The following WEE2 variants were observed in gnomAD, a reference collection of about 807,000 sequenced individuals.
WEE2 encodes the protein WEE2 oocyte meiosis inhibiting kinase.
WEE2 carries 50 observed loss-of-function variants against 60.1 expected under a neutral mutation model. That is an observed-to-expected ratio of 0.83 (90% confidence interval 0.66 to 1.05). The LOEUF (loss-of-function observed/expected upper bound fraction) is 1.05, where lower values mean the gene tolerates loss of function less well. WEE2 is among the 50% of genes least tolerant of loss of function. The probability of loss-of-function intolerance (pLI) is 0.00; values close to 1 mark genes in which losing one functional copy is unlikely to be tolerated. For synonymous variants in WEE2, 240 were observed against 241.0 expected (o/e 1.00, Z 0.04); for missense variants, 631 against 684.3 (o/e 0.92, Z 0.87).
rs184466972 is a variant in WEE2 at position 141,730,485 on chromosome 7, G to C, written c.*165G>C. 3 of 613,678 alleles carry C rather than the reference G, an allele frequency of 4.9e-6. No individual in the cohort carries two copies. The South Asian group carries it at 6.8e-5, about 14-fold the overall frequency. The allele number at this position is 613,678 out of a possible 1,614,324, so 38.0% of individuals were successfully genotyped here. A position where few individuals can be genotyped will look rare whatever the true frequency, so the allele number is the denominator to read the frequency against. ...GAAAATGTGCCTGGATTTCCACAGC[G>C]CTTCCCAGGTTATATGATGCTGTTC... On this transcript the variant is annotated 3_prime_UTR_variant, in exon 12 of 12. Coordinates refer to ENST00000397541, the MANE Select transcript of WEE2 (RefSeq NM_001105558.1).
chr7:141,712,079 T>G lies in WEE2; in HGVS notation c.343-2130T>G, dbSNP rs117982997. On this transcript the variant is annotated intron_variant, in intron 1 of 11. Coordinates refer to ENST00000397541, the MANE Select transcript of WEE2 (RefSeq NM_001105558.1). Reference sequence around the variant, plus strand: ...ATATTTCAACATGATATCCAAATGATACCAGGATTCAAGCATCAGGGGACT... The same window carrying G: ...ATATTTCAACATGATATCCAAATGAGACCAGGATTCAAGCATCAGGGGACT... 1.1e-4 allele frequency among the ~76,000 whole-genome samples: 17 copies of G among 152,076 alleles called. No individual in the cohort carries two copies. The East Asian group carries it at 2.3e-3, about 21-fold the overall frequency.
Position 141,720,978 on chromosome 7 carries a change from C to T in WEE2, c.802C>T (p.His268Tyr). ...AGTTTATGCTCACGCAGTGCTTGGG[C>T]ATCACCCCCATGTGGTACGTTACTA... ...HEVYAHAVLG[H>Y]HPHVVRYYSS... Residue 268 changes from histidine (H) to tyrosine (Y), a missense_variant, in exon 5 of 12, where the codon CAT becomes TAT. Physicochemically the swap from His to Tyr is moderately conservative, Grantham distance 83 (BLOSUM62 2). Coordinates refer to ENST00000397541, the MANE Select transcript of WEE2 (RefSeq NM_001105558.1). 1.9e-6 allele frequency: 3 copies of T among 1,614,168 alleles called. 1 individual carries two copies. The highest frequency in any genetic ancestry group is 3.3e-4 in the Middle Eastern group (2 of 6,062).
intron 1 of WEE2, among the ~76,000 whole-genome samples, chr7:141,714,002 CA>C (rs1798750758): frequency 1.3e-5 from 2 of 152,286 alleles, no homozygotes; most frequent in Admixed American, 1.3e-4. Context: ...GTGTTGACTT[CA>C]TGAATCAGAA....
At position 141,725,200 on chromosome 7, in the gene WEE2, A is replaced by G; in HGVS notation, c.1392+4A>G. The G allele has an allele frequency of 6.2e-7, 1 of 1,612,188 alleles. No homozygotes were observed. On this transcript the variant is annotated splice_donor_region_variant and intron_variant, in intron 9 of 11. Coordinates refer to ENST00000397541, the MANE Select transcript of WEE2 (RefSeq NM_001105558.1). ...AAGCTTTTCCAGTCTGCTCAAGGTG[A>G]TAGCTCTTACGAGATGAACAGAAGA...
chr7:141,709,462 C>T (rs1303117669), intron 1 of WEE2, among the ~76,000 whole-genome samples: 4 of 152,214 alleles, frequency 2.6e-5, no homozygotes, highest in Non-Finnish European at 5.9e-5. Context: ...AAGACAGAAA[C>T]TGTCTCACAG....
Position 141,725,201 on chromosome 7 carries a change from T to C in WEE2, c.1392+5T>C, listed in dbSNP as rs941950799. 1.6e-5 allele frequency: 25 copies of C among 1,612,042 alleles called. No homozygotes were observed. The highest frequency in any genetic ancestry group is 1.7e-4 in the Middle Eastern group (1 of 6,058). ...AGCTTTTCCAGTCTGCTCAAGGTGA[T>C]AGCTCTTACGAGATGAACAGAAGAT... On this transcript the variant is annotated splice_donor_5th_base_variant and intron_variant, in intron 9 of 11. Transcript: ENST00000397541.
At chr7:141,722,974 A>G (rs1798943214) in intron 5 of WEE2, among the ~76,000 whole-genome samples, 160 bp from the exon 6 acceptor site, 1 of 152,240 alleles carries the variant, frequency 6.6e-6, no homozygotes. Flanking sequence ...TGATCAGAGT[A>G]CTATGCCATT....
chr7:141,728,993 AG>A (rs964149696), intron 10 of WEE2, among the ~76,000 whole-genome samples: 25 of 152,338 alleles, frequency 1.6e-4, no homozygotes, highest in Admixed American at 4.6e-4. Context: ...GGTTCCAAAA[AG>A]GTTGGGGACC....
intron 1 of WEE2, 57 bp downstream of exon 1, chr7:141,709,157 G>A (rs1295660851): frequency 1.4e-6 from 2 of 1,457,404 alleles, no homozygotes; most frequent in Non-Finnish European, 1.9e-6. Flanking sequence ...CTTTCCTGTA[G>A]TTTAGCTGAT....
intron 1 of WEE2, among the ~76,000 whole-genome samples, chr7:141,710,450 T>C (rs1040074911): frequency 6.6e-6 from 1 of 152,172 alleles, no homozygotes; most frequent in African/African-American, 2.4e-5. Flanking sequence ...ACTGAACACC[T>C]TGATGTGTTA....
At chr7:141,728,969 C>T (rs1219185711) in intron 10 of WEE2, among the ~76,000 whole-genome samples, 5 of 152,206 alleles carry the variant, frequency 3.3e-5, no homozygotes, top group South Asian at 2.1e-4. Flanking sequence ...CTGTCTTCCT[C>T]GAAATCAGTC....
chr7:141,723,328 A>C, intron 6 of WEE2, 48 bp downstream of exon 6: 1 of 1,590,112 alleles, frequency 6.3e-7, no homozygotes, highest in Non-Finnish European at 8.6e-7. Context: ...TGTTCTTTCT[A>C]TGCTATCATC....
intron 11 of WEE2, 63 bp from the exon 12 acceptor site, chr7:141,730,232 A>G: frequency 2.0e-6 from 3 of 1,516,854 alleles, no homozygotes; most frequent in South Asian, 2.3e-5. Flanking sequence ...TCTCTTCTCT[A>G]TTGTTATATT....
intron 10 of WEE2, among the ~76,000 whole-genome samples, chr7:141,728,652 A>G (rs1799064393): frequency 6.6e-6 from 1 of 152,184 alleles, no homozygotes; most frequent in Non-Finnish European, 1.5e-5. Flanking sequence ...GGCAGACAGC[A>G]TCTTGAAATT....
At chr7:141,720,388 A>G (rs1257008136) in intron 4 of WEE2, among the ~76,000 whole-genome samples, 2 of 152,016 alleles carry the variant, frequency 1.3e-5, no homozygotes, top group Non-Finnish European at 2.9e-5. Context: ...GGGATTTTCT[A>G]TTCCATAAGG....
At chr7:141,720,296 C>T (rs949901330) in intron 4 of WEE2, among the ~76,000 whole-genome samples, 8 of 151,986 alleles carry the variant, frequency 5.3e-5, no homozygotes, top group Admixed American at 5.2e-4. Context: ...GCTGGGACTA[C>T]AGGCATGTGC....
At chr7:141,729,473 C>A in intron 10 of WEE2, 58 bp from the exon 11 acceptor site, 3 of 1,605,634 alleles carry the variant, frequency 1.9e-6, no homozygotes, top group Non-Finnish European at 2.6e-6. Context: ...TAGTTTTGAT[C>A]ATACATATCT....
Position 141,710,941 on chromosome 7 carries a change from A to T in WEE2, c.342+1841A>T, listed in dbSNP as rs1798700518. Among the ~76,000 whole-genome samples, 5 of 152,266 alleles carry T rather than the reference A, an allele frequency of 3.3e-5. 1 individual carries two copies. The South Asian group carries it at 1.0e-3, about 32-fold the overall frequency. ...GACCTTTGTATGTATTGTGGGATGG[A>T]GCATGAGAGAGCCTGGAGGTAGAGC... On this transcript the variant is annotated intron_variant, in intron 1 of 11. Transcript: ENST00000397541.
chr7:141,727,602 C>A, intron 10 of WEE2, 156 bp downstream of exon 10: 1 of 915,402 alleles, frequency 1.1e-6, no homozygotes, highest in Non-Finnish European at 1.6e-6. Context: ...CAGCATGCGG[C>A]TCTTTGTAGC....
Sources: allele counts gnomAD v4.1 joint callset (sites outside exome capture counted in the v4.1 genomes callset), GRCh38; gene constraint gnomAD v4.1.1; transcripts MANE v1.5; gene names NCBI Gene and HGNC (gene_info 2026-07-23, HGNC 2026-07-21).